Variants in PPP1R7 observed in about 807,000 individuals in gnomAD.
PPP1R7 encodes protein phosphatase 1 regulatory subunit 22.
A neutral mutation model predicts 45.2 loss-of-function variants in PPP1R7; 18 were observed. That is an observed-to-expected ratio of 0.40 (90% CI 0.28 to 0.59). The LOEUF is 0.59. PPP1R7 is among the 20% of genes least tolerant of loss of function. The pLI is 0.46. For synonymous variants in PPP1R7, 181 were observed against 183.4 expected (o/e 0.99, Z 0.11); for missense variants, 314 against 455.8 (o/e 0.69, Z 2.83).
At position 241,166,244 on chromosome 2, in the gene PPP1R7, T is replaced by C. The variant is rs1055566226; in HGVS notation, c.715-93T>C. 69 of 1,053,514 alleles carry C rather than the reference T, an allele frequency of 6.5e-5. No individual in the cohort carries two copies. In the Admixed American group the frequency reaches 1.5e-3, roughly 23 times the overall value. The allele number at this position is 1,053,514 out of a possible 1,614,324, so 65.3% of individuals were successfully genotyped here. A position where few individuals can be genotyped will look rare whatever the true frequency, so the allele number is the denominator to read the frequency against. On this transcript the variant is annotated intron_variant, in intron 7 of 9. Transcript: ENST00000234038. ...AAGTGAAATTCTCTGTTCTTAGAAT[T>C]CTTCAAGATAACACAAAACCTCGTT... is the stretch of plus-strand genomic sequence containing the variant.
Position 241,163,310 on chromosome 2 carries a change from C to G in PPP1R7, c.623C>G (p.Thr208Ser), listed in dbSNP as rs2067635775. The G allele has an allele frequency of 6.2e-7, 1 of 1,613,706 alleles. No homozygotes were observed. The highest frequency in any genetic ancestry group is 2.2e-5 in the East Asian group (1 of 44,882). Residue 208 changes from threonine (T) to serine (S), a missense_variant, in exon 7 of 10, where the codon ACC becomes AGC. Physicochemically the swap from Thr to Ser is moderately conservative, Grantham distance 58. Around this residue, in one of 3 missense-constraint regions of PPP1R7, gnomAD observed 168 missense variants for 285.3 expected, o/e 0.59. Transcript: ENST00000234038. The stretch of plus-strand genomic sequence containing the variant: ...GCAATCGAAAATATCGACACCTTAA[C>G]CAACCTGGAGAGTTTGTTTTTGGGG... ...IRAIENIDTL[T>S]NLESLFLGKN... is the part of the protein sequence containing the mutation.
chr2:241,158,010 C>A (rs1315410401), intron 3 of PPP1R7, 148 bp downstream of exon 3: 4 of 779,604 alleles, frequency 5.1e-6, no homozygotes, highest in Admixed American at 2.5e-5. Flanking sequence ...GTTTTTCTTA[C>A]CAGTGATTGT....
chr2:241,162,839 C>A (rs906743949), intron 6 of PPP1R7, among the ~76,000 whole-genome samples: 11 of 152,114 alleles, frequency 7.2e-5, no homozygotes, highest in African/African-American at 2.7e-4. Flanking sequence ...CCCGCCGCCA[C>A]GCCCAGCTAA....
chr2:241,149,601 G>T, upstream of PPP1R7: 1 of 1,510,080 alleles, frequency 6.6e-7, no homozygotes. Context: ...GGTTGCTAGG[G>T]ACGCACCAAA....
At chr2:241,166,269 T>C in intron 7 of PPP1R7, 68 bp from the exon 8 acceptor site, 1 of 1,313,434 alleles carries the variant, frequency 7.6e-7, no homozygotes, top group South Asian at 1.3e-5. Context: ...AAAACCTCGT[T>C]TCCTAAAAAC....
chr2:241,166,231 C>A, intron 7 of PPP1R7, 106 bp from the exon 8 acceptor site: 1 of 952,370 alleles, frequency 1.1e-6, no homozygotes. Context: ...GTGAAATTCT[C>A]TGTTCTTAGA....
intron 9 of PPP1R7, among the ~76,000 whole-genome samples, chr2:241,181,670 T>C (rs952960479): frequency 6.6e-5 from 10 of 152,162 alleles, no homozygotes; most frequent in Non-Finnish European, 1.3e-4. Context: ...AGAACGCCCC[T>C]GCTTGCCTTC....
intron 1 of PPP1R7, 148 bp downstream of exon 1, chr2:241,150,695 G>T: frequency 8.0e-7 from 1 of 1,255,514 alleles, no homozygotes; most frequent in Non-Finnish European, 1.0e-6. Flanking sequence ...GGACCCGGGG[G>T]AGCGGGGGAG....
intron 6 of PPP1R7, among the ~76,000 whole-genome samples, chr2:241,160,993 G>A (rs2067576495): frequency 6.9e-6 from 1 of 145,398 alleles, no homozygotes; most frequent in Non-Finnish European, 1.5e-5. Flanking sequence ...CCAGCAAAGT[G>A]GTCACTTGGA....
intron 2 of PPP1R7, among the ~76,000 whole-genome samples, chr2:241,154,410 G>A (rs1471224715): frequency 3.3e-5 from 5 of 151,848 alleles, no homozygotes; most frequent in Non-Finnish European, 5.9e-5. Context: ...AGATGTGGCC[G>A]GGCGTAATGG....
In PPP1R7 at chr2:241,159,281, G is replaced by A. The variant is rs1172834006; in HGVS notation, c.372G>A (p.Glu124=). 1.9e-6 allele frequency: 3 copies of A among 1,613,902 alleles called. No individual in the cohort carries two copies. Among genetic ancestry groups the A allele is most frequent in the South Asian group, 1.1e-5 (1 of 91,076 alleles). ...TGGAGGAGCTACAGAGTCTTCGAGA[G>A]CTGGATCTTTACGACAACCAGATCA... ...ENLEELQSLR[E]LDLYDNQIKK... Residue 124 remains glutamate (E), a synonymous_variant, in exon 5 of 10, where the codon GAG becomes GAA. Transcript: ENST00000234038.
chr2:241,181,208 A>C (rs1160444368), intron 9 of PPP1R7, among the ~76,000 whole-genome samples: 1 of 152,094 alleles, frequency 6.6e-6, no homozygotes, highest in Non-Finnish European at 1.5e-5. Context: ...AAAAAAAAGA[A>C]AATAGGGTTC....
At chr2:241,169,947 A>G (rs941301180) in intron 9 of PPP1R7, 80 bp downstream of exon 9, 5 of 1,190,772 alleles carry the variant, frequency 4.2e-6, no homozygotes, top group Non-Finnish European at 5.0e-6. Context: ...GAATGAATAC[A>G]AGAATCTCCT....
At chr2:241,163,162 A>C (rs944225083) in intron 6 of PPP1R7, 123 bp from the exon 7 acceptor site, 18 of 666,238 alleles carry the variant, frequency 2.7e-5, no homozygotes, top group Non-Finnish European at 4.6e-5. Flanking sequence ...CTTAGCAGAT[A>C]CGTCACTAGC....
chr2:241,162,849 ATTT>A (rs1275750264), intron 6 of PPP1R7, among the ~76,000 whole-genome samples: 1 of 151,900 alleles, frequency 6.6e-6, no homozygotes, highest in South Asian at 2.1e-4. Flanking sequence ...CGCCCAGCTA[ATTT>A]TTTTGTATTT....
At position 241,169,882 on chromosome 2, in the gene PPP1R7, C is replaced by T. The variant is rs370154786; in HGVS notation, c.906+15C>T. 1.5e-5 allele frequency: 23 copies of T among 1,579,794 alleles called. No individual in the cohort carries two copies. Among genetic ancestry groups the T allele is most frequent in the East Asian group, 2.2e-5 (1 of 44,726 alleles). On this transcript the variant is annotated intron_variant, in intron 9 of 9. Coordinates refer to ENST00000234038, the MANE Select transcript of PPP1R7 (RefSeq NM_002712.3). Reference sequence around the variant, plus strand: ...AAGAGTTCTGGGTAAGTTTAATACACGCTGGGGTTGATGACACTTTGACTA... The same window carrying T: ...AAGAGTTCTGGGTAAGTTTAATACATGCTGGGGTTGATGACACTTTGACTA...
At chr2:241,162,238 C>T (rs1339897941) in intron 6 of PPP1R7, among the ~76,000 whole-genome samples, 1 of 152,188 alleles carries the variant, frequency 6.6e-6, no homozygotes, top group Non-Finnish European at 1.5e-5. Flanking sequence ...GCCCCTGCCC[C>T]CGCCAAGTCC....
chr2:241,162,644 C>T (rs193077053), intron 6 of PPP1R7, among the ~76,000 whole-genome samples: 15 of 150,922 alleles, frequency 9.9e-5, no homozygotes, highest in South Asian at 6.3e-4. Context: ...CAGAGTGCCC[C>T]GTACCTCTCT....
chr2:241,181,888 A>G (rs2068013035), intron 9 of PPP1R7, among the ~76,000 whole-genome samples: 1 of 152,020 alleles, frequency 6.6e-6, no homozygotes, highest in African/African-American at 2.4e-5. Context: ...TTCTACACAC[A>G]GGGTGTTTGA....
Sources: gnomAD v4.1 joint callset for allele counts (sites outside exome capture counted in the v4.1 genomes callset) on GRCh38, gnomAD v4.1.1 for gene constraint, gnomAD v4.1.1 regional missense constraint, MANE v1.5 for transcripts, NCBI Gene and HGNC (gene_info 2026-07-23, HGNC 2026-07-21) for gene names.